SNX25: variants seen among roughly 807,000 people sequenced by gnomAD.
SNX25 encodes sorting nexin-25.
SNX25 carries 62 observed loss-of-function variants against 113.7 expected under a neutral mutation model. That is an observed-to-expected ratio of 0.55 (90% CI 0.44 to 0.67). The LOEUF (loss-of-function observed/expected upper bound fraction) is 0.67. SNX25 is among the 30% of genes least tolerant of loss of function. The pLI, the probability that SNX25 is intolerant of heterozygous loss-of-function variation, is 0.00. For synonymous variants in SNX25, 421 were observed against 436.2 expected (o/e 0.97, Z 0.43); for missense variants, 1,014 against 1,161.0 (o/e 0.87, Z 1.84).
chr4:185,311,008 A>T (rs1420030582), intron 7 of SNX25, among the ~76,000 whole-genome samples, 192 bp downstream of exon 7: 1 of 152,072 alleles, frequency 6.6e-6, no homozygotes, highest in Admixed American at 6.6e-5. Context: ...GGTAATAGGT[A>T]TAGATAGGCC....
chr4:185,205,660 C>G (rs1394183572), upstream of SNX25, among the ~76,000 whole-genome samples: 1 of 152,120 alleles, frequency 6.6e-6, no homozygotes. Flanking sequence ...GAAACTCCGT[C>G]TCTACTAAAA....
chr4:185,327,388 TTTG>T (rs2095163910), intron 9 of SNX25, among the ~76,000 whole-genome samples: 3 of 152,194 alleles, frequency 2.0e-5, no homozygotes, highest in Non-Finnish European at 4.4e-5. Flanking sequence ...TTGTACAACA[TTTG>T]TTGTATGAAT....
the SNX25 span, chr4:185,375,516 G>GTATATATATGTATA: frequency 1.1e-4 from 5 of 46,698 alleles, no homozygotes; most frequent in Non-Finnish European, 1.5e-4. Flanking sequence ...ATATATATAT[G>GTATATATATGTATA]TATATATATA....
rs1052638039 is a variant in SNX25 at position 185,267,225 on chromosome 4, A to AG, written c.1091+70_1091+71insG. 1.5e-5 allele frequency: 22 copies of AG among 1,447,704 alleles called. No individual in the cohort carries two copies. The African/African-American group carries it at 3.0e-4, about 20-fold the overall frequency. 89.7% of individuals were successfully genotyped at this position (1,447,704 alleles called of 1,614,324 possible). On this transcript the variant is annotated intron_variant, in intron 5 of 18. Transcript: ENST00000652585. Reference sequence around the variant, plus strand: ...ATCCCCTGCCTAGTTAGGTTAAAAAAAAAAAAAAGTAGTTGTCAGGGAAGC... The same window carrying AG: ...ATCCCCTGCCTAGTTAGGTTAAAAAAGAAAAAAAAGTAGTTGTCAGGGAAGC...
chr4:185,221,667 G>T (rs1464970306), intron 1 of SNX25, among the ~76,000 whole-genome samples: 1 of 152,014 alleles, frequency 6.6e-6, no homozygotes, highest in East Asian at 1.9e-4. Context: ...AAATCTTTCA[G>T]TAACTTCCTG....
intron 6 of SNX25, among the ~76,000 whole-genome samples, chr4:185,302,100 G>GTTTTTTTTTTTTTTT (rs35963129): frequency 7.7e-6 from 1 of 129,894 alleles, no homozygotes; most frequent in Non-Finnish European, 1.6e-5. Context: ...TGTTTTTTTT[G>GTTTTTTTTTTTTTTT]TTTTTTTTTT....
intron 18 of SNX25, among the ~76,000 whole-genome samples, chr4:185,362,932 T>TG (rs1352308140): frequency 6.7e-6 from 1 of 149,808 alleles, no homozygotes; most frequent in Non-Finnish European, 1.5e-5. Context: ...AACCTCTGCC[T>TG]GCTGGGTTCA....
chr4:185,321,635 T>G (rs763011039), intron 8 of SNX25, among the ~76,000 whole-genome samples: 1 of 152,152 alleles, frequency 6.6e-6, no homozygotes, highest in Non-Finnish European at 1.5e-5. Context: ...ACAGTGAAGA[T>G]CCCAATAATC....
intron 1 of SNX25, among the ~76,000 whole-genome samples, chr4:185,211,537 G>A (rs992999310): frequency 6.6e-6 from 1 of 152,152 alleles, no homozygotes; most frequent in African/African-American, 2.4e-5. Context: ...AATAAAATAT[G>A]TCTTAGTTCT....
downstream of SNX25, among the ~76,000 whole-genome samples, chr4:185,370,403 A>G (rs2095410881): frequency 6.6e-6 from 1 of 152,188 alleles, no homozygotes; most frequent in African/African-American, 2.4e-5. Flanking sequence ...TAGTAGCAGA[A>G]TGAAAGAGTA....
chr4:185,244,959 A>C (rs978838022), intron 1 of SNX25, among the ~76,000 whole-genome samples: 5 of 151,900 alleles, frequency 3.3e-5, no homozygotes, highest in Admixed American at 3.3e-4. Flanking sequence ...GAAATTCTCC[A>C]CTCCCAGTTG....
At chr4:185,371,466 C>T (rs570535641), downstream of SNX25, among the ~76,000 whole-genome samples, 43 of 150,720 alleles carry the variant, frequency 2.9e-4, no homozygotes, top group Admixed American at 2.3e-3. Context: ...GGCGTGAACC[C>T]GGAAGGCAGA....
At chr4:185,362,363 T>A (rs75662344) in intron 17 of SNX25, 81,850 of 981,636 alleles carry the variant, frequency 0.083, 3,716 homozygotes, top group Middle Eastern at 0.1. Context: ...AGAGCTTAAT[T>A]TTTAGCAAAA....
In SNX25 at chr4:185,346,590, C is replaced by A; in HGVS notation, c.2241C>A (p.Phe747Leu). The A allele has an allele frequency of 3.1e-6, 5 of 1,596,462 alleles. No homozygotes were observed. The highest frequency in any genetic ancestry group is 3.4e-6 in the Non-Finnish European group (4 of 1,175,186). Residue 747 changes from phenylalanine (F) to leucine (L), a missense_variant, in exon 13 of 19, where the codon TTC becomes TTA. By Grantham distance (22) the Phe-to-Leu change is conservative (BLOSUM62 0). Transcript: ENST00000652585. ...VQLPSLSKLP[F>L]KSIDQKFMEK... ...TGCCTTCTCTTAGCAAGCTGCCTTT[C>A]AAATCTATAGATCAAAAGTTTATGG...
intron 8 of SNX25, 127 bp from the exon 9 acceptor site, chr4:185,323,401 A>G (rs1158107819): frequency 3.5e-6 from 3 of 852,976 alleles, no homozygotes; most frequent in East Asian, 2.6e-5. Context: ...TATGGACACA[A>G]AATTCTACAT....
chr4:185,373,013 T>G (rs146735040), downstream of SNX25: 116 of 1,613,736 alleles, frequency 7.2e-5, no homozygotes, highest in African/African-American at 1.5e-3. Context: ...TACAAGTACA[T>G]GAGCCCAAGT....
intron 15 of SNX25, among the ~76,000 whole-genome samples, chr4:185,354,025 C>T (rs2095328119): frequency 6.9e-6 from 1 of 145,338 alleles, no homozygotes; most frequent in Non-Finnish European, 1.5e-5. Flanking sequence ...GCCTGGGTAA[C>T]AGCGAGACTC....
intron 6 of SNX25, among the ~76,000 whole-genome samples, chr4:185,290,012 G>A (rs1751919134): frequency 6.6e-6 from 1 of 152,170 alleles, no homozygotes; most frequent in Non-Finnish European, 1.5e-5. Context: ...CTCCCTGTCT[G>A]CAGATGGCCA....
intron 1 of SNX25, among the ~76,000 whole-genome samples, chr4:185,247,011 A>G (rs557479442): frequency 1.3e-5 from 2 of 152,314 alleles, no homozygotes; most frequent in African/African-American, 4.8e-5. Context: ...ATTTGCACAT[A>G]TATAGCTACA....
Sources: gnomAD v4.1 joint callset for allele counts (sites outside exome capture counted in the v4.1 genomes callset) on GRCh38, gnomAD v4.1.1 for gene constraint, MANE v1.5 for transcripts, NCBI Gene and HGNC (gene_info 2026-07-23, HGNC 2026-07-21) for gene names.